Variants in PROM1 observed in about 807,000 individuals in gnomAD.
The protein encoded by PROM1 is prominin-1.
A neutral mutation model predicts 116.9 loss-of-function variants in PROM1; 105 were observed. The observed-to-expected ratio is 0.90, with a 90% CI of 0.77 to 1.06. The LOEUF is 1.06. Ranked by LOEUF, PROM1 falls within the 50% of genes least tolerant of loss-of-function variation. The pLI, the probability that PROM1 is intolerant of heterozygous loss-of-function variation, is 0.00. For missense variants in PROM1, 1,122 were observed against 1,045.2 expected (o/e 1.07, Z -1.01); for synonymous variants, 393 against 387.0 (o/e 1.02, Z -0.18).
Position 16,025,727 on chromosome 4 carries a change from A to G in PROM1, c.510-415T>C, listed in dbSNP as rs979036184. ...TGTGAACACACACACACGCACACAC[A>G]CACACACACACACTTCTGCTCCCTG... On this transcript the variant is annotated intron_variant, in intron 5 of 27. Transcript: ENST00000447510. 3.9e-5 allele frequency among the ~76,000 whole-genome samples: 6 copies of G among 152,222 alleles called. No individual in the cohort carries two copies. The East Asian group carries it at 1.2e-3, about 29-fold the overall frequency.
chr4:16,076,047 T>A lies in PROM1; in HGVS notation c.-141A>T. The A allele has an allele frequency of 1.4e-6, 2 of 1,432,910 alleles. No homozygotes were observed. Among genetic ancestry groups the A allele is most frequent in the Non-Finnish European group, 1.8e-6 (2 of 1,092,578 alleles). 88.8% of individuals were successfully genotyped at this position (1,432,910 alleles called of 1,614,324 possible). ...GATCTGCTGAATCTTCAGTTTTCTG[T>A]CTGAGGCTGGCTTGAGGCGAGGGAT... is the stretch of plus-strand genomic sequence containing the variant. On this transcript the variant is annotated 5_prime_UTR_variant, in exon 2 of 28. Coordinates refer to ENST00000447510, the MANE Select transcript of PROM1 (RefSeq NM_006017.3).
chr4:15,987,754 T>C (rs1163061630), intron 19 of PROM1, 38 bp from the exon 20 acceptor site: 2 of 1,560,426 alleles, frequency 1.3e-6, no homozygotes, highest in Admixed American at 1.7e-5. Context: ...AATTATTACA[T>C]GAAGCAGCAA....
At chr4:16,022,987 C>T (rs981867729) in intron 8 of PROM1, among the ~76,000 whole-genome samples, 3 of 152,150 alleles carry the variant, frequency 2.0e-5, no homozygotes, top group African/African-American at 7.2e-5. Context: ...TCTCTTCCAA[C>T]GACTCAACTC....
At chr4:15,972,141 C>G (rs565214807) in intron 26 of PROM1, among the ~76,000 whole-genome samples, 26 of 152,250 alleles carry the variant, frequency 1.7e-4, no homozygotes, top group African/African-American at 5.8e-4. Context: ...CTCCTCCTGC[C>G]TAGCATTGCC....
In PROM1 at chr4:15,980,448, T is replaced by C; in HGVS notation, c.2463A>G (p.Arg821=). 5 of 1,553,842 alleles carry C rather than the reference T, an allele frequency of 3.2e-6. No individual in the cohort carries two copies. The highest frequency in any genetic ancestry group is 4.4e-6 in the Non-Finnish European group (5 of 1,147,236). Residue 821 remains arginine, a synonymous_variant, in exon 24 of 28, where the codon CGA becomes CGG. Coordinates refer to ENST00000447510, the MANE Select transcript of PROM1 (RefSeq NM_006017.3). ...FAVKLAKYYR[R]MDSEDVYDDV... ...CATCGTACACGTCCTCCGAATCCAT[T>C]CGACGATAGTACTTAGCCAGTTTTA...
chr4:16,066,493 C>T (rs1465667412), intron 2 of PROM1, among the ~76,000 whole-genome samples: 4 of 152,154 alleles, frequency 2.6e-5, no homozygotes, highest in Non-Finnish European at 4.4e-5. Context: ...AGCTAGTGGA[C>T]GTCAGAGTTG....
rs373833725 is a variant in PROM1 at position 15,992,310 on chromosome 4, T to G, written c.1849A>C (p.Asn617His). The part of the protein sequence containing the change: ...IFLLGAAGRK[N>H]LQDFAACGID... ...CCACAAGCAGCAAAATCCTGAAGGT[T>G]TTTTCTTCCTGCTGCACCCAACAGA... The change falls in exon 17 of 28, where the codon AAC becomes CAC. Residue 617 changes from asparagine to histidine, a missense_variant. Transcript: ENST00000447510. 4.3e-6 allele frequency: 7 copies of G among 1,613,942 alleles called. No individual in the cohort carries two copies. The highest frequency in any genetic ancestry group is 5.9e-6 in the Non-Finnish European group (7 of 1,179,860).
intron 2 of PROM1, chr4:16,055,499 T>C (rs2149487240): frequency 2.2e-6 from 1 of 452,306 alleles, no homozygotes; most frequent in African/African-American, 2.0e-5. Flanking sequence ...TCGGAAGATC[T>C]CCCCAAACTC....
chr4:16,051,193 A>G (rs1403763127), intron 2 of PROM1, among the ~76,000 whole-genome samples: 1 of 152,232 alleles, frequency 6.6e-6, no homozygotes. Flanking sequence ...AGTTATTCAG[A>G]CATGAGACAA....
intron 13 of PROM1, among the ~76,000 whole-genome samples, chr4:16,004,943 T>A (rs1457573597): frequency 1.5e-5 from 2 of 135,486 alleles, no homozygotes; most frequent in Middle Eastern, 3.7e-3. Context: ...CTTTCTTTTT[T>A]TCTTTATTTC....
chr4:16,055,000 A>G (rs1362638362), intron 2 of PROM1, among the ~76,000 whole-genome samples: 1 of 152,184 alleles, frequency 6.6e-6, no homozygotes, highest in African/African-American at 2.4e-5. Flanking sequence ...TATTTATTCT[A>G]CGTAAATACA....
rs1455594212 is a variant in PROM1 at position 16,041,763 on chromosome 4, TAAATAAATAAATAA to T, written c.221-2776_221-2763del. On this transcript the variant is annotated intron_variant, in intron 2 of 27. Transcript: ENST00000447510. ...ACCCTGCCTCAAATAAATAAATAAATAAATAAATAAATAAATAAATAAATATATATATATATATA... is the reference window on the plus strand; with the variant it reads ...ACCCTGCCTCAAATAAATAAATAAATATAAATAAATATATATATATATATA... Among the ~76,000 whole-genome samples, 280 of 59,810 alleles carry T rather than the reference TAAATAAATAAATAA, an allele frequency of 4.7e-3. 1 individual carries two copies. Among genetic ancestry groups the T allele is most frequent in the Admixed American group, 7.2e-3 (51 of 7,068 alleles). 39.2% of individuals were successfully genotyped at this position (59,810 alleles called of 152,430 possible). A position where few individuals can be genotyped will look rare whatever the true frequency, so the allele number is the denominator to read the frequency against.
chr4:16,050,837 T>G (rs1415707967), intron 2 of PROM1, among the ~76,000 whole-genome samples: 1 of 152,248 alleles, frequency 6.6e-6, no homozygotes, highest in Non-Finnish European at 1.5e-5. Flanking sequence ...TTCATATATT[T>G]AATGGCATGG....
At chr4:16,026,492 G>A (rs1173072165) in intron 5 of PROM1, among the ~76,000 whole-genome samples, 1 of 152,070 alleles carries the variant, frequency 6.6e-6, no homozygotes, top group Non-Finnish European at 1.5e-5. Flanking sequence ...GCAAATAATA[G>A]GCAAACTTTA....
intron 14 of PROM1, among the ~76,000 whole-genome samples, chr4:15,999,635 T>C (rs1723239229): frequency 6.6e-6 from 1 of 152,142 alleles, no homozygotes; most frequent in Non-Finnish European, 1.5e-5. Context: ...CAGGAGATAA[T>C]GATGCCTGGC....
chr4:16,031,650 G>A (rs565746815), intron 5 of PROM1, among the ~76,000 whole-genome samples: 1 of 152,148 alleles, frequency 6.6e-6, no homozygotes, highest in South Asian at 2.1e-4. Flanking sequence ...AGACAGAAAA[G>A]GGAAGAAAAG....
chr4:16,044,578 T>C (rs1736079035), intron 2 of PROM1, among the ~76,000 whole-genome samples: 1 of 152,228 alleles, frequency 6.6e-6, no homozygotes, highest in South Asian at 2.1e-4. Flanking sequence ...GCTAAGGATT[T>C]AATATGTTAA....
chr4:16,052,536 G>T (rs1490983734), intron 2 of PROM1, among the ~76,000 whole-genome samples: 1 of 152,192 alleles, frequency 6.6e-6, no homozygotes, highest in Non-Finnish European at 1.5e-5. Context: ...GAGTGCAGTG[G>T]TGTGATCTCG....
intron 2 of PROM1, among the ~76,000 whole-genome samples, chr4:16,057,181 T>C (rs1739249479): frequency 1.3e-5 from 2 of 152,246 alleles, no homozygotes; most frequent in Admixed American, 6.5e-5. Flanking sequence ...GTCAGTCATT[T>C]GTACACAGAT....
Sources: allele counts gnomAD v4.1 joint callset (sites outside exome capture counted in the v4.1 genomes callset), GRCh38; gene constraint gnomAD v4.1.1; transcripts MANE v1.5; gene names NCBI Gene and HGNC (gene_info 2026-07-23, HGNC 2026-07-21).